The following OR1J2 variants were observed in gnomAD, a reference collection of about 807,000 sequenced individuals.
OR1J2 encodes olfactory receptor 1J2.
For missense variants in OR1J2, 304 were observed against 246.1 expected (o/e 1.24, Z -1.57); for synonymous variants, 142 against 99.7 (o/e 1.42, Z -2.52).
the OR1J2 span, among the ~76,000 whole-genome samples, chr9:122,448,145 G>C: frequency 6.6e-6 from 1 of 152,172 alleles, no homozygotes; most frequent in Non-Finnish European, 1.5e-5. Context: ...GGGGAATGCG[G>C]CAGGAGAACA....
chr9:122,497,729 T>G, the OR1J2 span, among the ~76,000 whole-genome samples: 1 of 152,142 alleles, frequency 6.6e-6, no homozygotes, highest in Non-Finnish European at 1.5e-5. Context: ...TTTGTTCTTG[T>G]TTTTCTAGTT....
chr9:122,449,412 C>T, the OR1J2 span, among the ~76,000 whole-genome samples: 1 of 152,114 alleles, frequency 6.6e-6, no homozygotes, highest in Non-Finnish European at 1.5e-5. Flanking sequence ...CTCTGTCGCC[C>T]AGGCTGGAGT....
At chr9:122,516,854 C>G in the OR1J2 span, among the ~76,000 whole-genome samples, 1 of 152,144 alleles carries the variant, frequency 6.6e-6, no homozygotes, top group African/African-American at 2.4e-5. Flanking sequence ...TGCCCAACTT[C>G]ATTATTGCTG....
At chr9:122,535,458 T>C in the OR1J2 span, among the ~76,000 whole-genome samples, 14 of 152,246 alleles carry the variant, frequency 9.2e-5, no homozygotes, top group South Asian at 1.0e-3. Flanking sequence ...GGATAAAACA[T>C]GTCTCCTTTG....
the OR1J2 span, chr9:122,519,298 C>T: frequency 1.2e-6 from 2 of 1,614,074 alleles, no homozygotes; most frequent in East Asian, 2.2e-5. Flanking sequence ...CGGCTGGACT[C>T]TCACCTTCAC....
At chr9:122,460,165 A>ATGTGTG in the OR1J2 span, among the ~76,000 whole-genome samples, 2 of 117,038 alleles carry the variant, frequency 1.7e-5, no homozygotes, top group African/African-American at 3.4e-5. Flanking sequence ...TGGTATGTAT[A>ATGTGTG]TGTGTGTGTG....
chr9:122,574,964 TTTTC>T, the OR1J2 span, among the ~76,000 whole-genome samples: 4 of 152,152 alleles, frequency 2.6e-5, no homozygotes, highest in East Asian at 1.9e-4. Context: ...TTCATGTGGC[TTTTC>T]TTTATTAGTT....
chr9:122,447,568 G>C, the OR1J2 span: 1 of 151,942 alleles, frequency 6.6e-6, no homozygotes, highest in Non-Finnish European at 1.5e-5. Flanking sequence ...TGAGACAAGG[G>C]CTTGTTCAGG....
chr9:122,511,668 C>A lies in OR1J2; in HGVS notation c.867C>A (p.Ile289=). 1.3e-6 allele frequency: 1 copy of A among 781,092 alleles called. No individual in the cohort carries two copies. The highest frequency in any genetic ancestry group is 2.4e-6 in the Non-Finnish European group (1 of 418,136). 48.4% of individuals were successfully genotyped at this position (781,092 alleles called of 1,614,324 possible). The change falls in exon 1 of 1, where the codon ATC becomes ATA. Residue 289 remains isoleucine, a synonymous_variant. Transcript: ENST00000335302. The stretch of plus-strand genomic sequence containing the variant: ...TCACACCCATGTTGAACCCCTTTAT[C>A]TACAGCCTTAGGAACAGGGACATGA... ...TVVTPMLNPF[I]YSLRNRDMKE... is the part of the protein sequence containing the mutation.
chr9:122,465,245 A>G, the OR1J2 span, among the ~76,000 whole-genome samples: 3 of 152,166 alleles, frequency 2.0e-5, no homozygotes, highest in Non-Finnish European at 2.9e-5. Flanking sequence ...ACAGGCAATG[A>G]GAGTGCAGAT....
chr9:122,541,930 C>T, the OR1J2 span, among the ~76,000 whole-genome samples: 1 of 152,174 alleles, frequency 6.6e-6, no homozygotes, highest in Non-Finnish European at 1.5e-5. Flanking sequence ...TGTAAACACC[C>T]CACAGATCAA....
chr9:122,473,039 C>G, the OR1J2 span, among the ~76,000 whole-genome samples: 1 of 152,172 alleles, frequency 6.6e-6, no homozygotes, highest in Non-Finnish European at 1.5e-5. Flanking sequence ...ATACCCTTTC[C>G]TTATTTCTAA....
At chr9:122,460,269 C>G in the OR1J2 span, among the ~76,000 whole-genome samples, 10 of 151,544 alleles carry the variant, frequency 6.6e-5, no homozygotes, top group Non-Finnish European at 1.5e-5. Context: ...GTCCTTGATT[C>G]ATCTTGAGTT....
the OR1J2 span, chr9:122,477,387 G>T: frequency 6.2e-7 from 1 of 1,614,122 alleles, no homozygotes; most frequent in Non-Finnish European, 8.5e-7. Flanking sequence ...GGGCACCAAG[G>T]TCACAGAAGT....
the OR1J2 span, among the ~76,000 whole-genome samples, chr9:122,570,807 T>A: frequency 6.7e-6 from 1 of 149,530 alleles, no homozygotes; most frequent in African/African-American, 2.4e-5. Flanking sequence ...GTAATTAAAG[T>A]CAATAATATT....
the OR1J2 span, among the ~76,000 whole-genome samples, chr9:122,481,115 C>G: frequency 2.0e-5 from 3 of 152,040 alleles, 1 homozygote; most frequent in Admixed American, 1.3e-4. Flanking sequence ...CTAAAAGGCC[C>G]TAGTGTGAGT....
the OR1J2 span, among the ~76,000 whole-genome samples, chr9:122,549,338 C>G: frequency 6.6e-6 from 1 of 152,148 alleles, no homozygotes; most frequent in African/African-American, 2.4e-5. Flanking sequence ...CTGGCACTAT[C>G]CTTTGTGTAC....
At chr9:122,464,530 A>T in the OR1J2 span, among the ~76,000 whole-genome samples, 1 of 152,260 alleles carries the variant, frequency 6.6e-6, no homozygotes, top group Non-Finnish European at 1.5e-5. Context: ...GCAAAAGTTC[A>T]TGGTGTGTGT....
chr9:122,543,654 T>C, the OR1J2 span, among the ~76,000 whole-genome samples: 1 of 152,230 alleles, frequency 6.6e-6, no homozygotes, highest in East Asian at 1.9e-4. Flanking sequence ...CCAGTTGTCA[T>C]GTTGTGAGAA....
Sources: gnomAD v4.1 joint callset for allele counts (sites outside exome capture counted in the v4.1 genomes callset) on GRCh38, gnomAD v4.1.1 for gene constraint, MANE v1.5 for transcripts, NCBI Gene and HGNC (gene_info 2026-07-23, HGNC 2026-07-21) for gene names.